FLVCR2: variants seen among roughly 807,000 people sequenced by gnomAD.
FLVCR2 encodes FLVCR choline and putative heme transporter 2.
Under a neutral mutation model 48.9 loss-of-function variants are expected in FLVCR2, and 38 were observed. The observed-to-expected ratio is 0.78, with a 90% CI of 0.60 to 1.02. The LOEUF (loss-of-function observed/expected upper bound fraction) is 1.02. Among genes scored for constraint, FLVCR2 ranks in the 50% least tolerant of loss-of-function variants. The pLI, the probability that FLVCR2 is intolerant of heterozygous loss-of-function variation, is 0.00. For synonymous variants in FLVCR2, 255 were observed against 257.0 expected (o/e 0.99, Z 0.07); for missense variants, 664 against 663.3 (o/e 1.00, Z -0.01).
chr14:75,632,985 A>G (rs1237182302), intron 3 of FLVCR2: 9 of 702,144 alleles, frequency 1.3e-5, no homozygotes, highest in South Asian at 1.0e-4. Flanking sequence ...CACTTGCTGT[A>G]TGACTTTGGG....
intron 3 of FLVCR2, among the ~76,000 whole-genome samples, chr14:75,625,829 C>T (rs1783718481): frequency 6.6e-6 from 1 of 151,934 alleles, no homozygotes; most frequent in African/African-American, 2.4e-5. Flanking sequence ...TATTTAACTT[C>T]CAGTACACCT....
chr14:75,599,499 G>A (rs1400904602), intron 1 of FLVCR2, among the ~76,000 whole-genome samples: 1 of 152,188 alleles, frequency 6.6e-6, no homozygotes, highest in Non-Finnish European at 1.5e-5. Context: ...TTACGGATTG[G>A]AAGACTTCAT....
chr14:75,605,138 G>T (rs1889259024), intron 1 of FLVCR2, among the ~76,000 whole-genome samples: 1 of 152,204 alleles, frequency 6.6e-6, no homozygotes, highest in African/African-American at 2.4e-5. Flanking sequence ...TTAACAGGAT[G>T]TCCTTCCCTT....
At chr14:75,581,916 T>C (rs1320945184) in intron 1 of FLVCR2, among the ~76,000 whole-genome samples, 1 of 152,106 alleles carries the variant, frequency 6.6e-6, no homozygotes, top group Non-Finnish European at 1.5e-5. Context: ...GGTTATGAAA[T>C]GACAACAGAA....
chr14:75,590,770 G>T (rs1594791647), intron 1 of FLVCR2, among the ~76,000 whole-genome samples: 1 of 152,248 alleles, frequency 6.6e-6, no homozygotes, highest in African/African-American at 2.4e-5. Flanking sequence ...GTTTCCTGAG[G>T]CCTCCCAGAA....
intron 1 of FLVCR2, among the ~76,000 whole-genome samples, chr14:75,611,119 T>C (rs1889433639): frequency 1.3e-5 from 2 of 152,128 alleles, no homozygotes; most frequent in Admixed American, 1.3e-4. Context: ...GACAACACAC[T>C]ACACAAAAAG....
At chr14:75,626,580 C>G (rs918341048) in intron 3 of FLVCR2, among the ~76,000 whole-genome samples, 4 of 151,876 alleles carry the variant, frequency 2.6e-5, no homozygotes, top group African/African-American at 7.3e-5. Context: ...TATGTCTCCC[C>G]ATTCATCCGC....
At chr14:75,608,195 C>G (rs1453461152) in intron 1 of FLVCR2, among the ~76,000 whole-genome samples, 2 of 152,174 alleles carry the variant, frequency 1.3e-5, no homozygotes, top group Non-Finnish European at 2.9e-5. Context: ...GCACTCCTGC[C>G]TTTACACCGG....
chr14:75,640,490 C>T (rs1192577984), intron 6 of FLVCR2, among the ~76,000 whole-genome samples: 1 of 151,884 alleles, frequency 6.6e-6, no homozygotes. Flanking sequence ...GGCACTCAGT[C>T]CTCAGCTGGT....
intron 1 of FLVCR2, chr14:75,596,189 A>G: frequency 1.4e-6 from 1 of 728,046 alleles, no homozygotes; most frequent in Non-Finnish European, 2.5e-6. Context: ...TAGTGTGGAT[A>G]GTTACTGTGT....
At chr14:75,602,531 T>G (rs1594797348) in intron 1 of FLVCR2, among the ~76,000 whole-genome samples, 1 of 152,236 alleles carries the variant, frequency 6.6e-6, no homozygotes, top group Non-Finnish European at 1.5e-5. Flanking sequence ...TGATGAGATA[T>G]TCCTATCACT....
At chr14:75,599,900 A>G (rs1486888487) in intron 1 of FLVCR2, among the ~76,000 whole-genome samples, 2 of 152,196 alleles carry the variant, frequency 1.3e-5, no homozygotes, top group Non-Finnish European at 2.9e-5. Flanking sequence ...AAACTGGATA[A>G]CCATATGAAA....
intron 1 of FLVCR2, among the ~76,000 whole-genome samples, chr14:75,598,905 G>T (rs1303924756): frequency 1.3e-5 from 2 of 152,126 alleles, no homozygotes; most frequent in Non-Finnish European, 2.9e-5. Context: ...CTTGTCTCTT[G>T]TTACCTCTCA....
chr14:75,604,618 A>C (rs1259244229), intron 1 of FLVCR2, among the ~76,000 whole-genome samples: 1 of 152,172 alleles, frequency 6.6e-6, no homozygotes, highest in Non-Finnish European at 1.5e-5. Context: ...TCATCAATAA[A>C]GGTAATCGCC....
intron 1 of FLVCR2, chr14:75,604,254 G>A (rs1223864597): frequency 1.3e-5 from 2 of 152,210 alleles, no homozygotes; most frequent in African/African-American, 4.8e-5. Context: ...TTAGTACTTG[G>A]ATGGGAGAAT....
chr14:75,610,173 T>G (rs1365238462), intron 1 of FLVCR2, among the ~76,000 whole-genome samples: 3 of 152,224 alleles, frequency 2.0e-5, no homozygotes, highest in Non-Finnish European at 2.9e-5. Context: ...CTGTGACCAC[T>G]GGCTTTCAGC....
chr14:75,605,019 T>G (rs1176683487), intron 1 of FLVCR2, among the ~76,000 whole-genome samples: 1 of 152,158 alleles, frequency 6.6e-6, no homozygotes, highest in Admixed American at 6.5e-5. Flanking sequence ...AACCTGAGAC[T>G]GAAGGAAGCG....
chr14:75,596,635 C>G (rs894501621), intron 1 of FLVCR2, among the ~76,000 whole-genome samples: 2 of 151,926 alleles, frequency 1.3e-5, no homozygotes, highest in Non-Finnish European at 2.9e-5. Flanking sequence ...ATAATATTTA[C>G]CATTTTAACC....
At chr14:75,629,456 G>A (rs1452946802) in intron 3 of FLVCR2, among the ~76,000 whole-genome samples, 1 of 152,124 alleles carries the variant, frequency 6.6e-6, no homozygotes, top group Non-Finnish European at 1.5e-5. Flanking sequence ...GGCAATGTGG[G>A]AAGACTCAGG....
Sources: gnomAD v4.1 joint callset for allele counts (sites outside exome capture counted in the v4.1 genomes callset) on GRCh38, gnomAD v4.1.1 for gene constraint, MANE v1.5 for transcripts, NCBI Gene and HGNC (gene_info 2026-07-23, HGNC 2026-07-21) for gene names.